MIPOL1: variants seen among roughly 807,000 people sequenced by gnomAD.
MIPOL1 encodes mirror-image polydactyly 1.
A neutral mutation model predicts 60.9 loss-of-function variants in MIPOL1; 57 were observed. The observed-to-expected ratio is 0.94, with a 90% CI of 0.76 to 1.17. The LOEUF (loss-of-function observed/expected upper bound fraction) is 1.17, where lower values mean the gene tolerates loss of function less well. MIPOL1 is among the 50% of genes most tolerant of loss of function. MIPOL1 has a pLI of 0.00. For synonymous variants in MIPOL1, 179 were observed against 168.8 expected (o/e 1.06, Z -0.47); for missense variants, 551 against 511.6 (o/e 1.08, Z -0.74).
At chr14:37,258,091 A>G (rs1383432152) in intron 3 of MIPOL1, among the ~76,000 whole-genome samples, 1 of 152,134 alleles carries the variant, frequency 6.6e-6, no homozygotes, top group Non-Finnish European at 1.5e-5. Flanking sequence ...AAAAGACCAA[A>G]CACAATCATC....
chr14:37,445,727 A>G (rs1022295522), intron 11 of MIPOL1, among the ~76,000 whole-genome samples: 83 of 151,886 alleles, frequency 5.5e-4, no homozygotes, highest in African/African-American at 1.8e-3. Context: ...AAACAGAGAT[A>G]TAGATCAATG....
chr14:37,490,616 C>T (rs760275830), intron 11 of MIPOL1, among the ~76,000 whole-genome samples: 3 of 152,246 alleles, frequency 2.0e-5, no homozygotes, highest in African/African-American at 4.8e-5. Flanking sequence ...CTGTGGGTAG[C>T]GAAGACTATG....
At chr14:37,395,044 G>A (rs1047405879) in intron 10 of MIPOL1, among the ~76,000 whole-genome samples, 1 of 151,962 alleles carries the variant, frequency 6.6e-6, no homozygotes, top group African/African-American at 2.4e-5. Context: ...CTTTGTTTTT[G>A]TTTGCTTTGT....
At chr14:37,355,842 T>A (rs1338794038) in intron 9 of MIPOL1, among the ~76,000 whole-genome samples, 1 of 150,294 alleles carries the variant, frequency 6.7e-6, no homozygotes, top group Non-Finnish European at 1.5e-5. Context: ...CTTCTTTGCC[T>A]TTGGTTTGAA....
At chr14:37,376,634 C>T (rs942615184) in intron 10 of MIPOL1, among the ~76,000 whole-genome samples, 11 of 152,006 alleles carry the variant, frequency 7.2e-5, no homozygotes, top group Non-Finnish European at 8.8e-5. Context: ...CCAGCTAAAT[C>T]ACATTTAATT....
In MIPOL1 at chr14:37,348,428, A is replaced by G. The variant is rs76712361; in HGVS notation, c.829-21089A>G. ...TCATCACAGTAATCAAATGATTGTTATACATTAGAAAATTAAGATAATTCA... is the reference window on the plus strand; with the variant it reads ...TCATCACAGTAATCAAATGATTGTTGTACATTAGAAAATTAAGATAATTCA... On this transcript the variant is annotated intron_variant, in intron 9 of 12. Transcript: ENST00000684589. 3.9e-5 allele frequency among the ~76,000 whole-genome samples: 6 copies of G among 152,170 alleles called. No individual in the cohort carries two copies. The East Asian group carries it at 1.2e-3, about 29-fold the overall frequency.
At chr14:37,382,924 G>A (rs536881231) in intron 10 of MIPOL1, among the ~76,000 whole-genome samples, 5 of 151,510 alleles carry the variant, frequency 3.3e-5, no homozygotes, top group South Asian at 2.1e-4. Context: ...TTTAAAATTC[G>A]ATACAAAAAG....
At chr14:37,333,224 A>G (rs1179974862) in intron 9 of MIPOL1, among the ~76,000 whole-genome samples, 1 of 152,138 alleles carries the variant, frequency 6.6e-6, no homozygotes, top group African/African-American at 2.4e-5. Context: ...ATTTGTATAC[A>G]TTTTATGGTA....
At chr14:37,256,335 C>T (rs1436566487) in intron 3 of MIPOL1, among the ~76,000 whole-genome samples, 1 of 151,682 alleles carries the variant, frequency 6.6e-6, no homozygotes, top group Non-Finnish European at 1.5e-5. Context: ...AATATGTAGT[C>T]CTTAAGGTTT....
intron 11 of MIPOL1, chr14:37,434,341 G>A (rs893393665): frequency 3.9e-5 from 6 of 152,120 alleles, no homozygotes. Flanking sequence ...CTTTTGAGAA[G>A]TGTCTGTTCA....
intron 10 of MIPOL1, among the ~76,000 whole-genome samples, chr14:37,393,070 G>A (rs989314082): frequency 1.3e-5 from 2 of 151,888 alleles, no homozygotes; most frequent in African/African-American, 2.4e-5. Flanking sequence ...AAAGACACAG[G>A]AAAAAAAGCC....
At chr14:37,236,753 C>T (rs1971556412) in intron 1 of MIPOL1, among the ~76,000 whole-genome samples, 2 of 152,050 alleles carry the variant, frequency 1.3e-5, no homozygotes, top group South Asian at 4.1e-4. Context: ...ATTATTTGTG[C>T]ACTCTGTTCC....
intron 9 of MIPOL1, among the ~76,000 whole-genome samples, chr14:37,358,099 C>G (rs950678968): frequency 1.3e-5 from 2 of 151,898 alleles, no homozygotes; most frequent in Non-Finnish European, 2.9e-5. Context: ...GTTTGGTTTC[C>G]TGTCCTTCTG....
chr14:37,262,774 G>T (rs1242262957), intron 3 of MIPOL1, among the ~76,000 whole-genome samples: 1 of 152,142 alleles, frequency 6.6e-6, no homozygotes, highest in Non-Finnish European at 1.5e-5. Flanking sequence ...CTGGGATGTT[G>T]CTATTCTGAG....
At chr14:37,417,585 A>G (rs1357358536) in intron 10 of MIPOL1, among the ~76,000 whole-genome samples, 1 of 152,152 alleles carries the variant, frequency 6.6e-6, no homozygotes, top group Non-Finnish European at 1.5e-5. Context: ...GTATCGTTAC[A>G]CAAGTTACTT....
chr14:37,456,375 C>T (rs765092196), intron 11 of MIPOL1, among the ~76,000 whole-genome samples: 2 of 151,944 alleles, frequency 1.3e-5, no homozygotes, highest in Non-Finnish European at 2.9e-5. Flanking sequence ...GGACCCTGTT[C>T]ATACTTATAT....
At chr14:37,408,839 G>A (rs1480494010) in intron 10 of MIPOL1, among the ~76,000 whole-genome samples, 3 of 152,144 alleles carry the variant, frequency 2.0e-5, no homozygotes, top group African/African-American at 7.2e-5. Flanking sequence ...GGATGAAACA[G>A]TTTCATCCAT....
intron 11 of MIPOL1, among the ~76,000 whole-genome samples, chr14:37,450,690 GT>G (rs1566627133): frequency 1.3e-5 from 2 of 151,840 alleles, no homozygotes; most frequent in Non-Finnish European, 2.9e-5. Context: ...TTTCTCTTTC[GT>G]TTTTCCCCTT....
At position 37,449,201 on chromosome 14, in the gene MIPOL1, CT is replaced by C. The variant is rs150427823; in HGVS notation, c.1031+26256del. ...AAGAATCAATAGCTTTTTCCATTTT[CT>C]TTTAACCTTCCTGTTAATAAGTTCT... On this transcript the variant is annotated intron_variant, in intron 11 of 12. Coordinates refer to ENST00000684589, the MANE Select transcript of MIPOL1 (RefSeq NM_001388067.1). Among the ~76,000 whole-genome samples the C allele has an allele frequency of 2.5e-3, 386 of 152,060 alleles. 5 individuals carry two copies. Among genetic ancestry groups the C allele is most frequent in the African/African-American group, 9.2e-3 (382 of 41,472 alleles).
Sources: gnomAD v4.1 joint callset for allele counts (sites outside exome capture counted in the v4.1 genomes callset) on GRCh38, gnomAD v4.1.1 for gene constraint, MANE v1.5 for transcripts, NCBI Gene and HGNC (gene_info 2026-07-23, HGNC 2026-07-21) for gene names.